Variants in COL13A1 observed in about 807,000 individuals in gnomAD.
COL13A1 encodes collagen type XIII alpha 1 chain.
COL13A1 carries 89 observed loss-of-function variants against 130.9 expected under a neutral mutation model. The observed-to-expected ratio is 0.68, with a 90% confidence interval of 0.57 to 0.81. COL13A1 has a LOEUF of 0.81. Ranked by LOEUF, COL13A1 falls within the 30% of genes least tolerant of loss-of-function variation. The pLI is 0.00. For synonymous variants in COL13A1, 402 were observed against 341.6 expected, an observed-to-expected ratio of 1.18 and a Z score of -1.95; for missense variants, 879 against 934.6, an observed-to-expected ratio of 0.94 and a Z score of 0.78.
intron 17 of COL13A1, among the ~76,000 whole-genome samples, chr10:69,911,097 C>T (rs375700805): frequency 1.3e-5 from 2 of 152,258 alleles, no homozygotes; most frequent in African/African-American, 2.4e-5. Flanking sequence ...GTGGATGGGC[C>T]CTATGATGAG....
chr10:69,812,568 G>T (rs541188958), intron 1 of COL13A1, among the ~76,000 whole-genome samples: 1 of 152,290 alleles, frequency 6.6e-6, no homozygotes, highest in East Asian at 1.9e-4. Context: ...TCTGAGCCAG[G>T]CTTCCCGGGT....
intron 2 of COL13A1, among the ~76,000 whole-genome samples, chr10:69,863,401 G>T (rs1295700076): frequency 6.6e-6 from 1 of 152,166 alleles, no homozygotes; most frequent in Non-Finnish European, 1.5e-5. Flanking sequence ...GGCAGAGATG[G>T]GTGGGTCGGG....
At chr10:69,868,328 T>G (rs920008142) in intron 3 of COL13A1, among the ~76,000 whole-genome samples, 2 of 152,078 alleles carry the variant, frequency 1.3e-5, no homozygotes, top group African/African-American at 4.8e-5. Context: ...GCAATGGTTA[T>G]GTAAGAGAGA....
rs147815799 is a variant in COL13A1, at chr10:69,834,426, A to G, written c.364+11988A>G. Among the ~76,000 whole-genome samples the G allele has an allele frequency of 5.1e-3, 773 of 152,288 alleles. 7 individuals carry two copies. Among genetic ancestry groups the G allele is most frequent in the African/African-American group, 0.018 (733 of 41,568 alleles). On this transcript the variant is annotated intron_variant, in intron 2 of 40. Coordinates refer to ENST00000645393, the MANE Select transcript of COL13A1 (RefSeq NM_001368882.1). ...TAACATTAGCAAGTTCTAGCTACCT[A>G]CTAGGTGTGGGCCAAGGAGGGGTTG...
chr10:69,885,953 C>T (rs1315977152), intron 7 of COL13A1, among the ~76,000 whole-genome samples: 2 of 152,168 alleles, frequency 1.3e-5, no homozygotes, highest in Non-Finnish European at 2.9e-5. Context: ...AGCGCACCCA[C>T]CCTGATGGCA....
At chr10:69,838,509 G>A (rs541842590) in intron 2 of COL13A1, among the ~76,000 whole-genome samples, 1 of 152,224 alleles carries the variant, frequency 6.6e-6, no homozygotes, top group Non-Finnish European at 1.5e-5. Context: ...ACCTGGCATG[G>A]GGAGGAGTTT....
intron 2 of COL13A1, among the ~76,000 whole-genome samples, chr10:69,826,364 G>A (rs892729982): frequency 3.9e-5 from 6 of 152,232 alleles, no homozygotes; most frequent in African/African-American, 1.2e-4. Flanking sequence ...GGAAAGGGTA[G>A]GCCAGAGTCA....
intron 38 of COL13A1, among the ~76,000 whole-genome samples, chr10:69,950,037 C>A (rs1165920617): frequency 9.6e-6 from 1 of 104,472 alleles, no homozygotes; most frequent in Non-Finnish European, 2.1e-5. Flanking sequence ...TCCGTCTTGT[C>A]TCCTCACTTC....
intron 1 of COL13A1, among the ~76,000 whole-genome samples, chr10:69,806,906 G>A (rs896457496): frequency 6.6e-6 from 1 of 152,304 alleles, no homozygotes; most frequent in Non-Finnish European, 1.5e-5. Flanking sequence ...TACTCGGGAG[G>A]CTAAGGCAGG....
intron 2 of COL13A1, among the ~76,000 whole-genome samples, chr10:69,840,311 C>T (rs990157172): frequency 6.6e-6 from 1 of 152,096 alleles, no homozygotes; most frequent in Admixed American, 6.5e-5. Flanking sequence ...CGAAGGAGCC[C>T]GGTGACTCGG....
chr10:69,847,454 G>T (rs549097910), intron 2 of COL13A1, among the ~76,000 whole-genome samples: 2 of 152,324 alleles, frequency 1.3e-5, no homozygotes, highest in East Asian at 3.9e-4. Context: ...CAGGCACATA[G>T]TAGGCCCTCA....
rs1840156641 is a variant in COL13A1 at position 69,802,068 on chromosome 10, G to T, written c.-356G>T. ...CTGACTGGCCCGGGAGACACGAGGC[G>T]CCCAGAAGGACTGACAGCGCGGCAC... On this transcript the variant is annotated 5_prime_UTR_variant, in exon 1 of 41. Transcript: ENST00000645393. 5 of 205,480 alleles carry T rather than the reference G, an allele frequency of 2.4e-5. No homozygotes were observed. In the South Asian group the frequency reaches 4.3e-4, roughly 18 times the overall value. 12.7% of individuals were successfully genotyped at this position (205,480 alleles called of 1,614,324 possible).
At chr10:69,958,660 C>T (rs2071283240) in intron 40 of COL13A1, 39 bp from the exon 41 acceptor site, 1 of 1,613,856 alleles carries the variant, frequency 6.2e-7, no homozygotes, top group Admixed American at 1.7e-5. Context: ...TGCAGACCCA[C>T]TGAAACTAAC....
chr10:69,887,359 G>A (rs2060693156), intron 7 of COL13A1, 97 bp from the exon 8 acceptor site: 1 of 1,293,784 alleles, frequency 7.7e-7, no homozygotes, highest in South Asian at 1.2e-5. Context: ...ATCACACAAA[G>A]TGAGAGGGAT....
At chr10:69,930,379 C>T (rs188006356) in intron 29 of COL13A1, 21 bp from the exon 30 acceptor site, 16 of 1,591,058 alleles carry the variant, frequency 1.0e-5, no homozygotes, top group Admixed American at 1.9e-5. Context: ...GTCTAAGAAG[C>T]GTTTTTGGTA....
chr10:69,931,993 A>G (rs1476391424), intron 30 of COL13A1, among the ~76,000 whole-genome samples: 1 of 152,034 alleles, frequency 6.6e-6, no homozygotes, highest in African/African-American at 2.4e-5. Flanking sequence ...CCTTGCTGGA[A>G]CAGAACTCAG....
intron 5 of COL13A1, among the ~76,000 whole-genome samples, chr10:69,876,489 A>G (rs369337042): frequency 6.6e-6 from 1 of 152,246 alleles, no homozygotes; most frequent in South Asian, 2.1e-4. Context: ...AGGCCTGTCT[A>G]TGGAGGCATG....
chr10:69,811,408 G>A (rs1051830578), intron 1 of COL13A1, among the ~76,000 whole-genome samples: 5 of 152,238 alleles, frequency 3.3e-5, no homozygotes, highest in Admixed American at 3.3e-4. Flanking sequence ...AAGGTGGCCT[G>A]TAGGGCAGGT....
intron 1 of COL13A1, among the ~76,000 whole-genome samples, chr10:69,806,317 G>C (rs1438007205): frequency 2.0e-5 from 3 of 152,234 alleles, no homozygotes; most frequent in African/African-American, 4.8e-5. Context: ...AAGCAGGTGA[G>C]GGGGCAGAGA....
Sources: gnomAD v4.1 joint callset for allele counts (sites outside exome capture counted in the v4.1 genomes callset) on GRCh38, gnomAD v4.1.1 for gene constraint, MANE v1.5 for transcripts, NCBI Gene and HGNC (gene_info 2026-07-23, HGNC 2026-07-21) for gene names.